Variants in FGD4 observed in about 807,000 individuals in gnomAD.
The protein encoded by FGD4 is FYVE, RhoGEF and PH domain containing 4, also known as FYVE, RhoGEF and PH domain-containing protein 4.
FGD4 carries 42 observed loss-of-function variants against 102.0 expected under a neutral mutation model. The ratio of observed to expected loss-of-function variants is 0.41; its 90% confidence interval spans 0.32 to 0.53. FGD4 has a LOEUF of 0.53. FGD4 is among the 20% of genes least tolerant of loss of function. The pLI is 0.21. For missense variants in FGD4, 902 were observed against 1,078.2 expected (o/e 0.84, Z 2.29); for synonymous variants, 380 against 375.7 (o/e 1.01, Z -0.13).
intron 1 of FGD4, among the ~76,000 whole-genome samples, chr12:32,483,447 T>C (rs902536901): frequency 2.0e-5 from 3 of 152,190 alleles, no homozygotes; most frequent in Admixed American, 6.5e-5. Context: ...TACATAAAAA[T>C]CTACAATGTA....
chr12:32,438,644 C>G (rs1209543983), intron 1 of FGD4, among the ~76,000 whole-genome samples: 3 of 151,074 alleles, frequency 2.0e-5, no homozygotes, highest in Non-Finnish European at 4.4e-5. Context: ...GAGTCTCGCT[C>G]TGTCACCCAG....
chr12:32,399,602 A>G lies in FGD4; in HGVS notation c.-192A>G. On this transcript the variant is annotated 5_prime_UTR_variant, in exon 1 of 17. Transcript: ENST00000534526. ...GACTGCCGCAGGAGTCGCCGCAGCC[A>G]AACTCGCCGCGACGCCGGGAGGGAG... The G allele has an allele frequency of 1.5e-6, 2 of 1,376,562 alleles. No homozygotes were observed. Among genetic ancestry groups the G allele is most frequent in the Non-Finnish European group, 1.9e-6 (2 of 1,063,056 alleles). 85.3% of individuals were successfully genotyped at this position (1,376,562 alleles called of 1,614,324 possible). A position where few individuals can be genotyped will look rare whatever the true frequency, so the allele number is the denominator to read the frequency against.
intron 1 of FGD4, among the ~76,000 whole-genome samples, chr12:32,452,773 G>A (rs527857594): frequency 6.6e-6 from 1 of 152,216 alleles, no homozygotes; most frequent in East Asian, 1.9e-4. Context: ...TCATGTGAGT[G>A]AGCCCAGGAG....
intron 1 of FGD4, among the ~76,000 whole-genome samples, chr12:32,504,849 A>G (rs1265336820): frequency 6.6e-6 from 1 of 152,188 alleles, no homozygotes; most frequent in Non-Finnish European, 1.5e-5. Context: ...CCTTTGACAC[A>G]TTATGCCGGA....
intron 1 of FGD4, among the ~76,000 whole-genome samples, chr12:32,515,944 C>G (rs1811178880): frequency 6.6e-6 from 1 of 152,208 alleles, no homozygotes; most frequent in South Asian, 2.1e-4. Context: ...AAGCTTTCAA[C>G]AAACGTGACA....
At chr12:32,637,336 C>T (rs920148096) in intron 15 of FGD4, among the ~76,000 whole-genome samples, 3 of 151,868 alleles carry the variant, frequency 2.0e-5, no homozygotes, top group African/African-American at 7.3e-5. Flanking sequence ...GTGGCTCACG[C>T]CTGTAATCCC....
intron 1 of FGD4, among the ~76,000 whole-genome samples, chr12:32,508,412 T>C (rs1417044094): frequency 6.6e-6 from 1 of 152,234 alleles, no homozygotes; most frequent in Non-Finnish European, 1.5e-5. Context: ...GCAGCTGGAA[T>C]TCTCTTCTTT....
intron 1 of FGD4, among the ~76,000 whole-genome samples, chr12:32,400,364 C>T (rs1490838237): frequency 6.6e-6 from 1 of 152,166 alleles, no homozygotes; most frequent in Non-Finnish European, 1.5e-5. Context: ...TGGTGTCCGC[C>T]CAAGTCTGAC....
intron 1 of FGD4, among the ~76,000 whole-genome samples, chr12:32,548,282 T>C (rs1159800484): frequency 6.6e-6 from 1 of 152,194 alleles, no homozygotes; most frequent in Non-Finnish European, 1.5e-5. Flanking sequence ...AAGTTTCTTA[T>C]CAAATGAAGT....
intron 10 of FGD4, 100 bp from the exon 11 acceptor site, chr12:32,619,598 C>A: frequency 7.4e-7 from 1 of 1,357,640 alleles, no homozygotes; most frequent in Non-Finnish European, 1.0e-6. Flanking sequence ...CACTATTACA[C>A]TCCAGCCTGG....
intron 15 of FGD4, among the ~76,000 whole-genome samples, chr12:32,635,371 G>C (rs571459986): frequency 6.6e-6 from 1 of 152,278 alleles, no homozygotes; most frequent in Admixed American, 6.5e-5. Context: ...TCCCTAGCTA[G>C]TATTTTAGAG....
intron 2 of FGD4, among the ~76,000 whole-genome samples, chr12:32,575,332 T>C (rs73081435): frequency 0.14 from 21,006 of 152,134 alleles, 1,633 homozygotes; most frequent in Middle Eastern, 0.22. Context: ...GCTGCTTCCA[T>C]TCATGGCAGA....
At chr12:32,465,740 T>C (rs1246551000) in intron 1 of FGD4, among the ~76,000 whole-genome samples, 4 of 151,940 alleles carry the variant, frequency 2.6e-5, no homozygotes, top group African/African-American at 4.8e-5. Flanking sequence ...TAGATGATCG[T>C]TGTATTTTTT....
At chr12:32,617,827 A>G (rs1363803326) in intron 10 of FGD4, among the ~76,000 whole-genome samples, 2 of 152,250 alleles carry the variant, frequency 1.3e-5, no homozygotes, top group Non-Finnish European at 2.9e-5. Flanking sequence ...GTTTCTTCCT[A>G]TATATGACAT....
intron 1 of FGD4, among the ~76,000 whole-genome samples, chr12:32,553,392 A>G (rs1765555150): frequency 6.6e-6 from 1 of 152,222 alleles, no homozygotes; most frequent in African/African-American, 2.4e-5. Context: ...CAGGGTAGCA[A>G]ACAAAAGGCA....
chr12:32,483,108 C>A (rs1160544494), intron 1 of FGD4, among the ~76,000 whole-genome samples: 3 of 151,902 alleles, frequency 2.0e-5, no homozygotes, highest in African/African-American at 7.3e-5. Context: ...TTATTTTTAG[C>A]CACATGATAA....
At chr12:32,510,939 C>A (rs759170415) in intron 1 of FGD4, among the ~76,000 whole-genome samples, 10 of 152,070 alleles carry the variant, frequency 6.6e-5, no homozygotes, top group African/African-American at 2.2e-4. Context: ...AGCTGAGTAC[C>A]TTTTATGAAA....
chr12:32,564,212 A>G lies in FGD4; in HGVS notation c.242A>G (p.Asn81Ser), dbSNP rs891854103. 6.5e-7 allele frequency: 1 copy of G among 1,536,020 alleles called. No individual in the cohort carries two copies. The highest frequency in any genetic ancestry group is 8.7e-7 in the Non-Finnish European group (1 of 1,146,910). The part of the protein sequence containing the change: ...TSSTTTLVGE[N>S]VSEEEAQGIN... ...AGCACAACCACACTGGTTGGTGAGA[A>G]TGTATCTGAAGAAGAGGCTCAGGGA... is the stretch of plus-strand genomic sequence containing the variant. The change falls in exon 2 of 17, where the codon AAT becomes AGT. Residue 81 changes from asparagine to serine, a missense_variant. Transcript: ENST00000534526.
chr12:32,423,525 A>C (rs995636523), intron 1 of FGD4, among the ~76,000 whole-genome samples: 3 of 150,578 alleles, frequency 2.0e-5, no homozygotes, highest in African/African-American at 7.3e-5. Context: ...CCGGGAGGCG[A>C]AGCTTGCAGT....
Sources: allele counts gnomAD v4.1 joint callset (sites outside exome capture counted in the v4.1 genomes callset), GRCh38; gene constraint gnomAD v4.1.1; transcripts MANE v1.5; gene names NCBI Gene and HGNC (gene_info 2026-07-23, HGNC 2026-07-21).